Variants in GRM3 observed in about 807,000 individuals in gnomAD.
The protein encoded by GRM3 is glutamate metabotropic receptor 3.
In GRM3, 26 loss-of-function variants were observed where a neutral mutation model predicts 70.5. The observed-to-expected ratio is 0.37, with a 90% CI of 0.27 to 0.51. The LOEUF (loss-of-function observed/expected upper bound fraction) is 0.51, where lower values mean the gene tolerates loss of function less well. Ranked by LOEUF, GRM3 falls within the 20% of genes least tolerant of loss-of-function variation. GRM3 has a pLI of 0.93. For missense variants in GRM3, 859 were observed against 1,123.8 expected (o/e 0.76, Z 3.37); for synonymous variants, 443 against 434.9 (o/e 1.02, Z -0.23).
intron 1 of GRM3, among the ~76,000 whole-genome samples, chr7:86,703,265 A>G (rs548668863): frequency 5.9e-5 from 9 of 152,124 alleles, no homozygotes; most frequent in Admixed American, 4.6e-4. Flanking sequence ...GTTAAGAACC[A>G]TTTCACAATA....
At chr7:86,726,237 G>T (rs1196168273) in intron 1 of GRM3, among the ~76,000 whole-genome samples, 2 of 152,176 alleles carry the variant, frequency 1.3e-5, no homozygotes, top group East Asian at 1.9e-4. Context: ...ATTCACAGAG[G>T]TGTTGGCCCT....
intron 1 of GRM3, among the ~76,000 whole-genome samples, chr7:86,709,382 C>T (rs571476754): frequency 6.6e-6 from 1 of 152,208 alleles, no homozygotes; most frequent in South Asian, 2.1e-4. Flanking sequence ...GCTAATCACT[C>T]ATCTTATAGG....
chr7:86,669,483 T>C (rs1348345287), intron 1 of GRM3, among the ~76,000 whole-genome samples: 1 of 152,226 alleles, frequency 6.6e-6, no homozygotes, highest in Non-Finnish European at 1.5e-5. Flanking sequence ...CTTCACATTT[T>C]TCTACTCTTC....
At chr7:86,696,119 A>G (rs1237709376) in intron 1 of GRM3, among the ~76,000 whole-genome samples, 1 of 152,142 alleles carries the variant, frequency 6.6e-6, no homozygotes, top group Non-Finnish European at 1.5e-5. Context: ...TTTCCTTTGC[A>G]CCAAAGTGCT....
chr7:86,764,890 G>A, intron 1 of GRM3, 116 bp from the exon 2 acceptor site: 1 of 544,192 alleles, frequency 1.8e-6, no homozygotes, highest in Non-Finnish European at 3.0e-6. Context: ...GTGGTGTACT[G>A]TGTGTTTAGT....
At chr7:86,798,208 C>T (rs1797599715) in intron 3 of GRM3, among the ~76,000 whole-genome samples, 1 of 152,098 alleles carries the variant, frequency 6.6e-6, no homozygotes, top group African/African-American at 2.4e-5. Context: ...AGAAGAGGGC[C>T]ACCATCCTCC....
At chr7:86,754,882 A>G (rs1306449232) in intron 1 of GRM3, among the ~76,000 whole-genome samples, 1 of 152,128 alleles carries the variant, frequency 6.6e-6, no homozygotes, top group Non-Finnish European at 1.5e-5. Flanking sequence ...TTATTCTCAG[A>G]CAGGCATTTG....
chr7:86,842,570 A>G (rs1798577157), intron 4 of GRM3, among the ~76,000 whole-genome samples: 1 of 152,164 alleles, frequency 6.6e-6, no homozygotes, highest in Admixed American at 6.5e-5. Flanking sequence ...GAGATTTAAA[A>G]TTTCCCAGAG....
chr7:86,843,975 G>T (rs1166689521), intron 4 of GRM3, among the ~76,000 whole-genome samples: 1 of 152,132 alleles, frequency 6.6e-6, no homozygotes, highest in Admixed American at 6.6e-5. Context: ...TGAGGACCAA[G>T]AATCTCGATA....
At chr7:86,714,535 C>T (rs1306783307) in intron 1 of GRM3, among the ~76,000 whole-genome samples, 2 of 151,938 alleles carry the variant, frequency 1.3e-5, no homozygotes, top group African/African-American at 4.8e-5. Context: ...AGGACTTAAA[C>T]CCATAAAACC....
At chr7:86,800,605 T>C (rs1231720529) in intron 3 of GRM3, among the ~76,000 whole-genome samples, 2 of 152,202 alleles carry the variant, frequency 1.3e-5, no homozygotes, top group Non-Finnish European at 1.5e-5. Flanking sequence ...GTTGAATCCC[T>C]GAATAGACCA....
intron 5 of GRM3, among the ~76,000 whole-genome samples, chr7:86,863,945 A>G (rs1370217029): frequency 2.0e-5 from 3 of 152,202 alleles, no homozygotes; most frequent in African/African-American, 7.2e-5. Context: ...TTAGAAATTG[A>G]CCTACAATAG....
chr7:86,786,186 A>T lies in GRM3; in HGVS notation c.469-75A>T, dbSNP rs1797234674. On this transcript the variant is annotated intron_variant, in intron 2 of 5. Transcript: ENST00000361669. This position sits in a 1 kb window ranked among gnomAD's most constrained non-coding sequence, Gnocchi z 6.0. ...AAAAGGGAGTCAGTAAAAGGTGTGG[A>T]TGCTATTATTCATTTTCATGTCCAG... is the stretch of plus-strand genomic sequence containing the variant. The T allele has an allele frequency of 4.8e-6, 6 of 1,247,830 alleles. No homozygotes were observed. Among genetic ancestry groups the T allele is most frequent in the Non-Finnish European group, 6.8e-6 (6 of 882,670 alleles). The allele number at this position is 1,247,830 out of a possible 1,614,324, so 77.3% of individuals were successfully genotyped here.
chr7:86,848,677 G>T (rs1180211106), intron 4 of GRM3, among the ~76,000 whole-genome samples: 1 of 152,194 alleles, frequency 6.6e-6, no homozygotes, highest in East Asian at 1.9e-4. Flanking sequence ...CATGCATAAT[G>T]GTTTTTGTGT....
At chr7:86,836,551 T>A (rs933080126) in intron 3 of GRM3, among the ~76,000 whole-genome samples, 11 of 152,152 alleles carry the variant, frequency 7.2e-5, no homozygotes, top group Non-Finnish European at 1.3e-4. Flanking sequence ...GGGAAAAGGA[T>A]GGAGGAGCAG....
At chr7:86,662,374 A>C (rs73398408) in intron 1 of GRM3, among the ~76,000 whole-genome samples, 5,422 of 151,988 alleles carry the variant, frequency 0.036, 318 homozygotes, top group African/African-American at 0.12. Context: ...ACTGTTGAAT[A>C]AGTAAGTAAA....
chr7:86,774,706 A>G (rs1223774276), intron 2 of GRM3, among the ~76,000 whole-genome samples: 1 of 152,148 alleles, frequency 6.6e-6, no homozygotes, highest in Non-Finnish European at 1.5e-5. Flanking sequence ...ACAAAGGACT[A>G]GTAGTTTTTT....
At chr7:86,735,614 G>A (rs953044242) in intron 1 of GRM3, among the ~76,000 whole-genome samples, 3 of 152,090 alleles carry the variant, frequency 2.0e-5, no homozygotes, top group African/African-American at 7.2e-5. Flanking sequence ...TCTGTAAAGT[G>A]GGTATTATTG....
At chr7:86,720,304 G>T (rs562703578) in intron 1 of GRM3, among the ~76,000 whole-genome samples, 56 of 152,080 alleles carry the variant, frequency 3.7e-4, no homozygotes, top group African/African-American at 1.2e-3. Flanking sequence ...ACTACAGATG[G>T]AAAGGAGGTA....
Sources: allele counts gnomAD v4.1 joint callset (sites outside exome capture counted in the v4.1 genomes callset), GRCh38; gene constraint gnomAD v4.1.1; non-coding constraint Gnocchi (gnomAD v3.1); transcripts MANE v1.5; gene names NCBI Gene and HGNC (gene_info 2026-07-23, HGNC 2026-07-21).